SH2D4A: variants seen among roughly 807,000 people sequenced by gnomAD.
The protein encoded by SH2D4A is SH2 domain-containing protein 4A.
SH2D4A carries 70 observed loss-of-function variants against 64.7 expected under a neutral mutation model. The ratio of observed to expected loss-of-function variants is 1.08; its 90% CI spans 0.89 to 1.32. The LOEUF is 1.32. Among genes scored for constraint, SH2D4A ranks in the 40% most tolerant of loss-of-function variants. The pLI is 0.00. For synonymous variants in SH2D4A, 268 were observed against 200.7 expected (o/e 1.34, Z -2.83); for missense variants, 706 against 540.1 (o/e 1.31, Z -3.04).
chr8:19,363,421 T>G (rs1337380976), intron 6 of SH2D4A, among the ~76,000 whole-genome samples: 3 of 152,190 alleles, frequency 2.0e-5, no homozygotes, highest in Non-Finnish European at 4.4e-5. Flanking sequence ...TGTGTTACAG[T>G]TGCCTTATGA....
At chr8:19,393,939 T>TTCA (rs1563217558) in intron 9 of SH2D4A, among the ~76,000 whole-genome samples, 1 of 152,198 alleles carries the variant, frequency 6.6e-6, no homozygotes, top group African/African-American at 2.4e-5. Flanking sequence ...GATTGTGCAT[T>TTCA]TTATTATTAC....
At chr8:19,350,466 G>T (rs2052684229) in intron 4 of SH2D4A, among the ~76,000 whole-genome samples, 1 of 152,092 alleles carries the variant, frequency 6.6e-6, no homozygotes, top group South Asian at 2.1e-4. Flanking sequence ...AATGTTTTTA[G>T]TTGTTGTTGC....
chr8:19,382,168 C>A (rs1247495062), intron 8 of SH2D4A, among the ~76,000 whole-genome samples: 1 of 152,148 alleles, frequency 6.6e-6, no homozygotes. Context: ...TTGGACATTT[C>A]TTGCATGGCA....
rs1159245319 is a variant in SH2D4A, at chr8:19,382,823, C to CTTTTTTTTTTTTTTTTT, written c.1048+9172_1048+9188dup. ...TTTCTCTCTTGCTGCTTTTAAGATT[C>CTTTTTTTTTTTTTTTTT]TTTTTTTTTTTTTTTTTTTTTTTTT... On this transcript the variant is annotated intron_variant, in intron 8 of 9. Transcript: ENST00000265807. Among the ~76,000 whole-genome samples, 78 of 64,628 alleles carry CTTTTTTTTTTTTTTTTT rather than the reference C, an allele frequency of 1.2e-3. 7 individuals carry two copies. The highest frequency in any genetic ancestry group is 1.5e-3 in the Non-Finnish European group (51 of 34,650). The allele number at this position is 64,628 out of a possible 152,430, so 42.4% of individuals were successfully genotyped here.
Position 19,332,273 on chromosome 8 carries a change from C to G in SH2D4A, c.182-682C>G, listed in dbSNP as rs141754008. 1.6e-3 allele frequency among the ~76,000 whole-genome samples: 247 copies of G among 152,236 alleles called. 3 individuals carry two copies. Among genetic ancestry groups the G allele is most frequent in the African/African-American group, 5.6e-3 (233 of 41,558 alleles). On this transcript the variant is annotated intron_variant, in intron 2 of 9. Coordinates refer to ENST00000265807, the MANE Select transcript of SH2D4A (RefSeq NM_022071.4). ...AAGAATTTATGGTGTGAAGTGCTAG[C>G]TCTGTTACCCTAAAGGATAATGCAA...
chr8:19,384,359 G>A (rs2153651505), intron 8 of SH2D4A, among the ~76,000 whole-genome samples: 1 of 152,292 alleles, frequency 6.6e-6, no homozygotes, highest in Middle Eastern at 3.4e-3. Context: ...TAAAGGAATA[G>A]CCACCATTTT....
At chr8:19,361,155 T>TTTTTTG in intron 5 of SH2D4A, 48 bp from the exon 6 acceptor site, 1 of 1,152,096 alleles carries the variant, frequency 8.7e-7, no homozygotes. Flanking sequence ...CAAGGTTCTT[T>TTTTTTG]TTTTGTTTTG....
At chr8:19,368,688 AT>A in intron 7 of SH2D4A, among the ~76,000 whole-genome samples, 1 of 142,496 alleles carries the variant, frequency 7.0e-6, no homozygotes, top group Admixed American at 7.3e-5. Context: ...AGTTTATTTC[AT>A]ATACTACAAT....
At chr8:19,370,057 ATTGACCCATTGG>A (rs2153649567) in intron 7 of SH2D4A, among the ~76,000 whole-genome samples, 1 of 152,092 alleles carries the variant, frequency 6.6e-6, no homozygotes, top group Non-Finnish European at 1.5e-5. Flanking sequence ...AAATTTATTT[ATTGACCCATTGG>A]TTGTTCAGGT....
chr8:19,357,535 C>T (rs576733254), intron 5 of SH2D4A, among the ~76,000 whole-genome samples: 82 of 152,320 alleles, frequency 5.4e-4, no homozygotes, highest in African/African-American at 1.9e-3. Flanking sequence ...AACATAGAGG[C>T]GGCATCCCAG....
At chr8:19,319,801 T>C in intron 2 of SH2D4A, 73 bp downstream of exon 2, 1 of 1,426,992 alleles carries the variant, frequency 7.0e-7, no homozygotes, top group African/African-American at 1.4e-5. Flanking sequence ...AATTTCACAC[T>C]AGTCACAAGC....
intron 2 of SH2D4A, among the ~76,000 whole-genome samples, chr8:19,326,396 T>C (rs1468316492): frequency 1.3e-5 from 2 of 152,166 alleles, no homozygotes; most frequent in African/African-American, 2.4e-5. Context: ...TGGGACAATA[T>C]GGCAGTGGTT....
intron 5 of SH2D4A, 164 bp from the exon 6 acceptor site, chr8:19,361,039 C>T (rs2052875762): frequency 2.1e-6 from 1 of 465,344 alleles, no homozygotes; most frequent in Non-Finnish European, 3.9e-6. Flanking sequence ...TCAGGTCTTA[C>T]TGACTCCAAA....
intron 4 of SH2D4A, among the ~76,000 whole-genome samples, chr8:19,355,975 G>A (rs1311134305): frequency 1.3e-5 from 2 of 152,178 alleles, no homozygotes; most frequent in Non-Finnish European, 2.9e-5. Flanking sequence ...AGACAGTCCA[G>A]AATAGGTGTT....
chr8:19,336,775 G>A (rs1210487963), intron 4 of SH2D4A, among the ~76,000 whole-genome samples: 2 of 152,256 alleles, frequency 1.3e-5, no homozygotes, highest in African/African-American at 2.4e-5. Context: ...GCTGAGGCAG[G>A]AGGATCGATT....
rs752823259 is a variant in SH2D4A, at chr8:19,373,640, C to G, written c.1028C>G (p.Thr343Ser). Residue 343 changes from threonine to serine, a missense_variant, in exon 8 of 10, where the codon ACC becomes AGC. Coordinates refer to ENST00000265807, the MANE Select transcript of SH2D4A (RefSeq NM_022071.4). ...LRAGYQKTSDTIAPWFHGILT... is the reference protein window; with the variant it reads ...LRAGYQKTSDSIAPWFHGILT... ...GCGGGCTACCAGAAAACCTCAGACACCATAGCCCCCTGGTTCCATGGTGAG... is the reference window on the plus strand; with the variant it reads ...GCGGGCTACCAGAAAACCTCAGACAGCATAGCCCCCTGGTTCCATGGTGAG... 4 of 1,613,214 alleles carry G rather than the reference C, an allele frequency of 2.5e-6. No homozygotes were observed. Among genetic ancestry groups the G allele is most frequent in the Middle Eastern group, 1.7e-4 (1 of 6,054 alleles).
At chr8:19,350,117 C>A (rs1312612654) in intron 4 of SH2D4A, among the ~76,000 whole-genome samples, 1 of 152,198 alleles carries the variant, frequency 6.6e-6, no homozygotes, top group African/African-American at 2.4e-5. Context: ...ATTTTCTCAA[C>A]AATCCTTTAT....
intron 8 of SH2D4A, chr8:19,375,668 C>G (rs1289829390): frequency 1.3e-5 from 2 of 151,928 alleles, no homozygotes; most frequent in African/African-American, 2.4e-5. Flanking sequence ...ACAGAGTGTT[C>G]TATTTCACAG....
intron 4 of SH2D4A, among the ~76,000 whole-genome samples, chr8:19,338,153 A>G (rs987286655): frequency 7.9e-5 from 12 of 152,144 alleles, no homozygotes; most frequent in African/African-American, 2.9e-4. Context: ...TTTCTCAGAA[A>G]TGTTTCATTA....
Sources: allele counts gnomAD v4.1 joint callset (sites outside exome capture counted in the v4.1 genomes callset), GRCh38; gene constraint gnomAD v4.1.1; transcripts MANE v1.5; gene names NCBI Gene and HGNC (gene_info 2026-07-23, HGNC 2026-07-21).